The following MPZL1 variants were observed in gnomAD, a reference collection of about 807,000 sequenced individuals.
MPZL1 encodes the protein myelin protein zero-like protein 1.
Under a neutral mutation model 29.3 loss-of-function variants are expected in MPZL1, and 16 were observed. The ratio of observed to expected loss-of-function variants is 0.55; its 90% CI spans 0.37 to 0.83. MPZL1 has a LOEUF of 0.83. MPZL1 is among the 40% of genes least tolerant of loss of function. The pLI, the probability that MPZL1 is intolerant of heterozygous loss-of-function variation, is 0.00. For missense variants in MPZL1, 279 were observed against 332.9 expected, an observed-to-expected ratio of 0.84 and a Z score of 1.26; for synonymous variants, 143 against 132.0, an observed-to-expected ratio of 1.08 and a Z score of -0.57.
intron 1 of MPZL1, among the ~76,000 whole-genome samples, chr1:167,753,577 C>T (rs1052239289): frequency 1.3e-5 from 2 of 151,934 alleles, no homozygotes; most frequent in African/African-American, 2.4e-5. Flanking sequence ...GTGGTTAGGC[C>T]GTTTGTCCAG....
chr1:167,737,929 G>C (rs1660409582), intron 1 of MPZL1, among the ~76,000 whole-genome samples: 1 of 151,962 alleles, frequency 6.6e-6, no homozygotes, highest in Non-Finnish European at 1.5e-5. Context: ...TTGTTTGTTT[G>C]TTTGTTTGTT....
chr1:167,748,960 A>G (rs190413298), intron 1 of MPZL1, among the ~76,000 whole-genome samples: 4 of 152,310 alleles, frequency 2.6e-5, no homozygotes, highest in Non-Finnish European at 2.9e-5. Flanking sequence ...GATTTACACA[A>G]ACATTTGGGT....
At chr1:167,765,095 A>T (rs139950045) in intron 1 of MPZL1, 1 of 152,246 alleles carries the variant, frequency 6.6e-6, no homozygotes, top group Non-Finnish European at 1.5e-5. Flanking sequence ...GTCAAAATCC[A>T]TAAGATCTAC....
chr1:167,785,724 C>T (rs1348087972), intron 5 of MPZL1, among the ~76,000 whole-genome samples: 1 of 152,162 alleles, frequency 6.6e-6, no homozygotes, highest in Non-Finnish European at 1.5e-5. Flanking sequence ...GTTGGGAGTT[C>T]CGTCCTATTC....
intron 1 of MPZL1, among the ~76,000 whole-genome samples, chr1:167,743,532 T>G (rs1660581027): frequency 6.6e-6 from 1 of 151,990 alleles, no homozygotes; most frequent in East Asian, 1.9e-4. Context: ...TTCCTATCCG[T>G]GAGCATGGGA....
At chr1:167,757,930 A>T (rs1448330893) in intron 1 of MPZL1, among the ~76,000 whole-genome samples, 1 of 152,126 alleles carries the variant, frequency 6.6e-6, no homozygotes, top group Non-Finnish European at 1.5e-5. Flanking sequence ...CAGGTGGATC[A>T]CTTGAGGTCA....
intron 1 of MPZL1, among the ~76,000 whole-genome samples, chr1:167,753,921 C>G (rs778045828): frequency 6.6e-6 from 1 of 151,966 alleles, no homozygotes; most frequent in Non-Finnish European, 1.5e-5. Flanking sequence ...TGAGCCACTG[C>G]GCCTGGCCTT....
At chr1:167,783,766 T>C (rs1168729434) in intron 5 of MPZL1, among the ~76,000 whole-genome samples, 1 of 152,218 alleles carries the variant, frequency 6.6e-6, no homozygotes, top group Admixed American at 6.5e-5. Context: ...ACCTCTGCTT[T>C]GATAATCAGT....
intron 1 of MPZL1, among the ~76,000 whole-genome samples, chr1:167,724,294 G>A (rs1660098604): frequency 6.6e-6 from 1 of 152,216 alleles, no homozygotes; most frequent in African/African-American, 2.4e-5. Flanking sequence ...AATGGTGGGA[G>A]TTGAGGCAGG....
In MPZL1 at chr1:167,742,903, C is replaced by T. The variant is rs554721489; in HGVS notation, c.91+20661C>T. ...TGTTGAATAGGGTGTCCTTTCCCCA[C>T]TTGATGTTTTTGTTTGCTTTGTCAA... On this transcript the variant is annotated intron_variant, in intron 1 of 5. Transcript: ENST00000359523. Among the ~76,000 whole-genome samples the T allele has an allele frequency of 5.3e-5, 8 of 152,170 alleles. No individual in the cohort carries two copies. The South Asian group carries it at 1.7e-3, about 32-fold the overall frequency.
chr1:167,731,116 A>G (rs532296549), intron 1 of MPZL1, among the ~76,000 whole-genome samples: 1 of 152,304 alleles, frequency 6.6e-6, no homozygotes, highest in South Asian at 2.1e-4. Context: ...CTAATTTGTA[A>G]TCAGGTTGAA....
At chr1:167,738,321 T>A (rs1660421468) in intron 1 of MPZL1, among the ~76,000 whole-genome samples, 1 of 152,194 alleles carries the variant, frequency 6.6e-6, no homozygotes, top group Non-Finnish European at 1.5e-5. Flanking sequence ...AATGTTGAAT[T>A]GAAAGAACCT....
rs540966291 is a variant in MPZL1, at chr1:167,773,904, AAAAAAG to A, written c.605+540_605+545del. 1.5e-3 allele frequency: 226 copies of A among 150,644 alleles called. 4 individuals carry two copies. The East Asian group carries it at 0.038, about 26-fold the overall frequency. 9.3% of individuals were successfully genotyped at this position (150,644 alleles called of 1,614,324 possible). On this transcript the variant is annotated intron_variant, in intron 4 of 5. Transcript: ENST00000359523. Reference sequence around the variant, plus strand: ...AAGATCCTGTCTCTTTAAAAAAAAAAAAAAAGAAAGAAAGAAAGAAGAAGAAAAAGC... The same window carrying A: ...AAGATCCTGTCTCTTTAAAAAAAAAAAAAGAAAGAAAGAAGAAGAAAAAGC...
chr1:167,743,173 G>A (rs190458297), intron 1 of MPZL1, among the ~76,000 whole-genome samples: 14 of 151,522 alleles, frequency 9.2e-5, no homozygotes, highest in East Asian at 1.9e-4. Flanking sequence ...TGGGAATTGC[G>A]TTGAATTTGT....
chr1:167,743,145 C>T (rs953590909), intron 1 of MPZL1, among the ~76,000 whole-genome samples: 2 of 151,554 alleles, frequency 1.3e-5, no homozygotes, highest in Non-Finnish European at 2.9e-5. Context: ...TCTGTGAAAA[C>T]TGATGGTGGT....
rs1661618746 is a variant in MPZL1, at chr1:167,787,758, C to T, written c.709-62C>T. ...GATCACGTTAATCATTGCTTCTATG[C>T]CTGTAGCTGAAGGAACCGCCAGCGT... On this transcript the variant is annotated intron_variant, in intron 5 of 5. Coordinates refer to ENST00000359523, the MANE Select transcript of MPZL1 (RefSeq NM_003953.6). The T allele has an allele frequency of 6.5e-6, 8 of 1,223,770 alleles. No individual in the cohort carries two copies. The South Asian group carries it at 9.8e-5, about 15-fold the overall frequency. 75.8% of individuals were successfully genotyped at this position (1,223,770 alleles called of 1,614,324 possible). A position where few individuals can be genotyped will look rare whatever the true frequency, so the allele number is the denominator to read the frequency against.
At chr1:167,739,282 C>CATATATATATATACATATAT (rs1660456551) in intron 1 of MPZL1, among the ~76,000 whole-genome samples, 1 of 90,442 alleles carries the variant, frequency 1.1e-5, no homozygotes, top group Non-Finnish European at 2.0e-5. Context: ...TACATATATA[C>CATATATATATATACATATAT]ATATATATAT....
chr1:167,730,355 C>T (rs1660236517), intron 1 of MPZL1, among the ~76,000 whole-genome samples: 3 of 151,878 alleles, frequency 2.0e-5, no homozygotes, highest in African/African-American at 7.3e-5. Context: ...CTCCACTCAG[C>T]GCAGTCTCCA....
rs1265461516 is a variant in MPZL1, at chr1:167,759,787, A to G, written c.92-5796A>G. Among the ~76,000 whole-genome samples the G allele has an allele frequency of 3.3e-5, 5 of 152,156 alleles. No individual in the cohort carries two copies. In the East Asian group the frequency reaches 9.6e-4, roughly 29 times the overall value. ...TGGGATACCTTTGGTCTCTTTGTCC[A>G]TAGCATTCTCTATCTGGGGTACACT... On this transcript the variant is annotated intron_variant, in intron 1 of 5. Transcript: ENST00000359523.
Sources: gnomAD v4.1 joint callset for allele counts (sites outside exome capture counted in the v4.1 genomes callset) on GRCh38, gnomAD v4.1.1 for gene constraint, MANE v1.5 for transcripts, NCBI Gene and HGNC (gene_info 2026-07-23, HGNC 2026-07-21) for gene names.